Variants in IFFO2 observed in about 807,000 individuals in gnomAD.
IFFO2 encodes intermediate filament family orphan 2.
IFFO2 carries 19 observed loss-of-function variants against 53.5 expected under a neutral mutation model. The observed-to-expected ratio is 0.36, with a 90% CI of 0.25 to 0.52. The LOEUF (loss-of-function observed/expected upper bound fraction) is 0.52. Among genes scored for constraint, IFFO2 ranks in the 20% least tolerant of loss-of-function variants. The pLI is 0.94. For synonymous variants in IFFO2, 303 were observed against 313.6 expected (o/e 0.97, Z 0.36); for missense variants, 570 against 727.4 (o/e 0.78, Z 2.49).
chr1:18,953,824 A>G (rs1317839385), intron 1 of IFFO2, among the ~76,000 whole-genome samples: 1 of 152,190 alleles, frequency 6.6e-6, no homozygotes, highest in African/African-American at 2.4e-5. Flanking sequence ...ATCGTTGCTC[A>G]ATGCCAACCC....
chr1:18,946,705 C>T (rs1056393879), intron 1 of IFFO2, among the ~76,000 whole-genome samples: 12 of 151,434 alleles, frequency 7.9e-5, no homozygotes, highest in Non-Finnish European at 1.6e-4. Context: ...GCATGAGCTA[C>T]CGCACCGGGC....
In IFFO2 at chr1:18,919,046, T is replaced by C. The variant is rs887666028; in HGVS notation, c.823-544A>G. On this transcript the variant is annotated intron_variant, in intron 3 of 8. Transcript: ENST00000455833. The surrounding 1 kb of genome is among the most constrained non-coding windows in gnomAD (Gnocchi z 4.9). ...TCACGTCCCTCCACACCAGGAGCCATGCCAGGCTCAGTCACCCACGTTCTG... is the reference window on the plus strand; with the variant it reads ...TCACGTCCCTCCACACCAGGAGCCACGCCAGGCTCAGTCACCCACGTTCTG... 3.3e-5 allele frequency among the ~76,000 whole-genome samples: 5 copies of C among 152,124 alleles called. No homozygotes were observed. Among genetic ancestry groups the C allele is most frequent in the African/African-American group, 1.2e-4 (5 of 41,444 alleles).
Position 18,955,736 on chromosome 1 carries a change from C to T in IFFO2, c.597G>A (p.Thr199=). ...DGVGVQIDTI[T]PEIRALYNVL... ...CGTTGTAGAGCGCGCGGATCTCCGG[C>T]GTGATGGTGTCGATCTGCACGCCCA... The change falls in exon 1 of 9, where the codon ACG becomes ACA. Residue 199 remains threonine, a synonymous_variant. Coordinates refer to ENST00000455833, the MANE Select transcript of IFFO2 (RefSeq NM_001136265.2). 4.4e-6 allele frequency: 7 copies of T among 1,589,896 alleles called. No individual in the cohort carries two copies. The highest frequency in any genetic ancestry group is 6.0e-6 in the Non-Finnish European group (7 of 1,171,680).
chr1:18,949,692 T>C (rs1936634215), intron 1 of IFFO2, among the ~76,000 whole-genome samples: 1 of 152,274 alleles, frequency 6.6e-6, no homozygotes, highest in South Asian at 2.1e-4. Flanking sequence ...TCTACCCTTC[T>C]GTGTCCTTCA....
chr1:18,944,403 G>A (rs1229515908), intron 1 of IFFO2, among the ~76,000 whole-genome samples: 2 of 152,090 alleles, frequency 1.3e-5, no homozygotes, highest in African/African-American at 4.8e-5. Context: ...GGAGAGGTAA[G>A]GGGAGCAGCC....
intron 1 of IFFO2, among the ~76,000 whole-genome samples, chr1:18,926,357 C>A (rs1463325207): frequency 6.6e-6 from 1 of 152,182 alleles, no homozygotes; most frequent in Non-Finnish European, 1.5e-5. Flanking sequence ...GGAGGGATGG[C>A]CAGGGCAGGA....
chr1:18,910,450 C>G lies in IFFO2; in HGVS notation c.1340G>C (p.Ser447Thr), dbSNP rs1936019998. Reference protein sequence around the residue: ...QIELELATAKSDMNRHLHEYM... With the variant: ...QIELELATAKTDMNRHLHEYM... The stretch of plus-strand genomic sequence containing the variant: ...CTCGTGCAGGTGTCGGTTCATGTCA[C>G]TTTTGGCTGTGGCCAGCTCGAGCTG... The change falls in exon 8 of 9, where the codon AGT becomes ACT. Residue 447 changes from serine to threonine, a missense_variant. Transcript: ENST00000455833. The G allele has an allele frequency of 1.2e-6, 2 of 1,613,768 alleles. No homozygotes were observed. The highest frequency in any genetic ancestry group is 1.7e-6 in the Non-Finnish European group (2 of 1,179,834).
chr1:18,913,808 TTTG>T (rs965658120), intron 5 of IFFO2, among the ~76,000 whole-genome samples: 8 of 116,574 alleles, frequency 6.9e-5, no homozygotes, highest in African/African-American at 1.4e-4. Context: ...GGTTTCGTTG[TTTG>T]TTGTTGTTGT....
At chr1:18,935,609 C>G (rs1022270809) in intron 1 of IFFO2, among the ~76,000 whole-genome samples, 3 of 152,136 alleles carry the variant, frequency 2.0e-5, no homozygotes, top group African/African-American at 7.2e-5. Context: ...TTCTGTACTA[C>G]AAAGGCTCTG....
intron 6 of IFFO2, 54 bp downstream of exon 6, chr1:18,911,908 CG>C: frequency 1.3e-6 from 2 of 1,541,398 alleles, no homozygotes; most frequent in Non-Finnish European, 1.8e-6. Flanking sequence ...CATTGAAAGG[CG>C]GTGTCCCCCA....
chr1:18,956,336 C>A lies in IFFO2; in HGVS notation c.-4G>T. On this transcript the variant is annotated 5_prime_UTR_variant, in exon 1 of 9. Coordinates refer to ENST00000455833, the MANE Select transcript of IFFO2 (RefSeq NM_001136265.2). This position sits in a 1 kb window ranked among gnomAD's most constrained non-coding sequence, Gnocchi z 6.4. ...CGAACAGCAGCGAGTTCACCATGCG[C>A]CGGCTGCGCGGCTCAGGGCCCCGGG... The A allele has an allele frequency of 3.1e-6, 1 of 321,704 alleles. No homozygotes were observed. Among genetic ancestry groups the A allele is most frequent in the Admixed American group, 5.7e-5 (1 of 17,676 alleles). 19.9% of individuals were successfully genotyped at this position (321,704 alleles called of 1,614,324 possible).
chr1:18,915,728 C>A (rs925119361), intron 5 of IFFO2, among the ~76,000 whole-genome samples: 3 of 152,130 alleles, frequency 2.0e-5, no homozygotes, highest in African/African-American at 7.2e-5. Flanking sequence ...TGTGAAGCCC[C>A]CTCCAAGCGA....
At position 18,908,328 on chromosome 1, in the gene IFFO2, T is replaced by C. The variant is rs1028807919; in HGVS notation, c.*233A>G. The C allele has an allele frequency of 1.5e-5, 8 of 530,080 alleles. No individual in the cohort carries two copies. Among genetic ancestry groups the C allele is most frequent in the African/African-American group, 7.7e-5 (4 of 52,128 alleles). The allele number at this position is 530,080 out of a possible 1,614,324, so 32.8% of individuals were successfully genotyped here. ...TCTGCATTTGTAATGTGGAGAACAA[T>C]AGAAATTGACAGCACCATTCCTTGG... is the stretch of plus-strand genomic sequence containing the variant. On this transcript the variant is annotated 3_prime_UTR_variant, in exon 9 of 9. Transcript: ENST00000455833.
At position 18,907,129 on chromosome 1, in the gene IFFO2, C is replaced by A. The variant is rs139452926; in HGVS notation, c.*1432G>T. ...CTACCTTGACCACTAGAGGGAGCTC[C>A]TGGGACAATAAAAAATTAAAATTGG... On this transcript the variant is annotated 3_prime_UTR_variant, in exon 9 of 9. Transcript: ENST00000455833. 3.9e-5 allele frequency: 6 copies of A among 152,300 alleles called. No homozygotes were observed. In the East Asian group the frequency reaches 1.2e-3, roughly 29 times the overall value. The allele number at this position is 152,300 out of a possible 1,614,324, so 9.4% of individuals were successfully genotyped here. A position where few individuals can be genotyped will look rare whatever the true frequency, so the allele number is the denominator to read the frequency against.
chr1:18,934,057 CTTTTTTTTTTTTT>C (rs71577808), intron 1 of IFFO2, among the ~76,000 whole-genome samples: 2 of 70,330 alleles, frequency 2.8e-5, no homozygotes, highest in South Asian at 5.2e-4. Flanking sequence ...TCTCTTATTT[CTTTTTTTTTTTTT>C]TTTTTTTTTT....
intron 1 of IFFO2, among the ~76,000 whole-genome samples, chr1:18,935,289 G>A (rs1036499870): frequency 6.6e-6 from 1 of 152,172 alleles, no homozygotes; most frequent in African/African-American, 2.4e-5. Flanking sequence ...TCTGAGAAAT[G>A]GGCCAGACAC....
chr1:18,944,148 C>T (rs974602187), intron 1 of IFFO2, among the ~76,000 whole-genome samples: 4 of 152,090 alleles, frequency 2.6e-5, no homozygotes, highest in African/African-American at 9.7e-5. Context: ...ATAAAATGGT[C>T]GTGAATATGC....
chr1:18,911,321 G>T, intron 7 of IFFO2, 63 bp downstream of exon 7: 1 of 830,706 alleles, frequency 1.2e-6, no homozygotes, highest in Non-Finnish European at 1.7e-6. Context: ...TTGATCGCCA[G>T]GATCTCAACC....
intron 8 of IFFO2, among the ~76,000 whole-genome samples, chr1:18,909,889 C>G (rs1429608691): frequency 6.6e-6 from 1 of 152,124 alleles, no homozygotes. Context: ...TGAGCCACCA[C>G]GCCCAGCCTC....
Sources: gnomAD v4.1 joint callset for allele counts (sites outside exome capture counted in the v4.1 genomes callset) on GRCh38, gnomAD v4.1.1 for gene constraint, Gnocchi (gnomAD v3.1) non-coding constraint, MANE v1.5 for transcripts, NCBI Gene and HGNC (gene_info 2026-07-23, HGNC 2026-07-21) for gene names.